TET2: variants seen among roughly 807,000 people sequenced by gnomAD.
The protein encoded by TET2 is tet methylcytosine dioxygenase 2.
TET2 carries 299 observed loss-of-function variants against 142.9 expected under a neutral mutation model. The ratio of observed to expected loss-of-function variants is 2.09; its 90% CI spans 1.90 to 2.30. The LOEUF is 2.30. TET2 is among the 30% of genes most tolerant of loss of function. TET2 has a pLI of 0.00. For missense variants in TET2, 2,418 were observed against 2,378.0 expected, an observed-to-expected ratio of 1.02 and a Z score of -0.35; for synonymous variants, 819 against 849.0, an observed-to-expected ratio of 0.96 and a Z score of 0.61.
chr4:105,221,002 G>A (rs533451214), intron 2 of TET2, among the ~76,000 whole-genome samples: 1 of 152,218 alleles, frequency 6.6e-6, no homozygotes, highest in African/African-American at 2.4e-5. Flanking sequence ...CCTAGACAGT[G>A]TTCCAGTAAG....
chr4:105,178,225 C>T (rs1195155613), intron 1 of TET2, among the ~76,000 whole-genome samples: 2 of 152,168 alleles, frequency 1.3e-5, no homozygotes, highest in East Asian at 3.9e-4. Flanking sequence ...AGTGGATAAA[C>T]TGTGGTACAT....
intron 1 of TET2, among the ~76,000 whole-genome samples, chr4:105,154,559 T>C (rs1723468054): frequency 6.6e-6 from 1 of 152,188 alleles, no homozygotes; most frequent in South Asian, 2.1e-4. Context: ...CACTCAAAAG[T>C]TGGCATTGTG....
At chr4:105,163,852 A>AGTGT (rs1243395829) in intron 1 of TET2, among the ~76,000 whole-genome samples, 43 of 105,874 alleles carry the variant, frequency 4.1e-4, no homozygotes, top group South Asian at 6.0e-4. Flanking sequence ...AGAGAGAGAG[A>AGTGT]GAGTGTGTGT....
intron 2 of TET2, among the ~76,000 whole-genome samples, chr4:105,197,412 A>C (rs576701370): frequency 1.3e-5 from 2 of 152,246 alleles, no homozygotes; most frequent in Non-Finnish European, 2.9e-5. Flanking sequence ...TTGATTATAG[A>C]TTTTCTTATC....
At chr4:105,226,365 T>C (rs1728189567) in intron 2 of TET2, among the ~76,000 whole-genome samples, 1 of 152,308 alleles carries the variant, frequency 6.6e-6, no homozygotes, top group South Asian at 2.1e-4. Flanking sequence ...TTGTTACATA[T>C]TATTACTTAT....
At position 105,236,802 on chromosome 4, in the gene TET2, T is replaced by G; in HGVS notation, c.2860T>G (p.Trp954Gly). The G allele has an allele frequency of 1.9e-6, 3 of 1,614,090 alleles. No homozygotes were observed. Among genetic ancestry groups the G allele is most frequent in the Non-Finnish European group, 2.5e-6 (3 of 1,180,000 alleles). ...CACTCAAAAGCATGCTGCTCTAAGG[T>G]GGCATCTCTTACAGAAGCAAGAACA... ...KDTQKHAALR[W>G]HLLQKQEQQQ... The change falls in exon 3 of 11, where the codon TGG becomes GGG. Residue 954 changes from tryptophan (W) to glycine (G), a missense_variant. Trp to Gly is a radical substitution (Grantham distance 184). Coordinates refer to ENST00000380013, the MANE Select transcript of TET2 (RefSeq NM_001127208.3).
intron 1 of TET2, among the ~76,000 whole-genome samples, chr4:105,153,235 TATC>T (rs1723399609): frequency 6.6e-6 from 1 of 152,216 alleles, no homozygotes; most frequent in Non-Finnish European, 1.5e-5. Flanking sequence ...AAAACTATAA[TATC>T]ATATCACAAC....
chr4:105,269,767 G>T lies in TET2; in HGVS notation c.4182+20G>T, dbSNP rs1323161127. 1 of 1,551,040 alleles carries T rather than the reference G, an allele frequency of 6.4e-7. No individual in the cohort carries two copies. Among genetic ancestry groups the T allele is most frequent in the East Asian group, 2.4e-5 (1 of 40,912 alleles). On this transcript the variant is annotated intron_variant, in intron 9 of 10. Coordinates refer to ENST00000380013, the MANE Select transcript of TET2 (RefSeq NM_001127208.3). ...ACATTGGTAAGTTGGGCTGAGGACA[G>T]CTTAGCAGCTGTTGAGTCTGTTCTC...
At position 105,278,639 on chromosome 4, in the gene TET2, A is replaced by AAAACT; in HGVS notation, c.*2123_*2127dup. 4.3e-6 allele frequency: 1 copy of AAAACT among 232,566 alleles called. No homozygotes were observed. Among genetic ancestry groups the AAAACT allele is most frequent in the Middle Eastern group, 1.3e-3 (1 of 782 alleles). 14.4% of individuals were successfully genotyped at this position (232,566 alleles called of 1,614,324 possible). A position where few individuals can be genotyped will look rare whatever the true frequency, so the allele number is the denominator to read the frequency against. On this transcript the variant is annotated 3_prime_UTR_variant, in exon 11 of 11. Coordinates refer to ENST00000380013, the MANE Select transcript of TET2 (RefSeq NM_001127208.3). ...TACTTGTACATGTGCTGATGTAACT[A>AAAACT]AAACTAATTTTGTAAATCTGTTGGC...
intron 1 of TET2, among the ~76,000 whole-genome samples, chr4:105,157,711 C>G (rs1417059193): frequency 1.3e-5 from 2 of 152,158 alleles, no homozygotes; most frequent in African/African-American, 4.8e-5. Context: ...GAGTCTCACT[C>G]TCTTGCCCAG....
At chr4:105,208,939 T>C (rs1726982897) in intron 2 of TET2, among the ~76,000 whole-genome samples, 1 of 150,870 alleles carries the variant, frequency 6.6e-6, no homozygotes, top group Admixed American at 6.6e-5. Flanking sequence ...GACAAGGCTA[T>C]TAAATTTTAA....
In TET2 at chr4:105,237,280, A is replaced by G. The variant is rs756202722; in HGVS notation, c.3338A>G (p.Asp1113Gly). ...ATAGAGTCACCTTCCAAATTACTAG[A>G]TACTCCTATAAAAAATTTATTGGAT... ...NFIESPSKLL[D>G]TPIKNLLDTP... is the part of the protein sequence containing the mutation. Residue 1113 changes from aspartate to glycine, a missense_variant, in exon 3 of 11, where the codon GAT (aspartate) becomes GGT (glycine). Coordinates refer to ENST00000380013, the MANE Select transcript of TET2 (RefSeq NM_001127208.3). 6 of 1,614,112 alleles carry G rather than the reference A, an allele frequency of 3.7e-6. No homozygotes were observed. Among genetic ancestry groups the G allele is most frequent in the Non-Finnish European group, 5.1e-6 (6 of 1,179,972 alleles).
At position 105,208,222 on chromosome 4, in the gene TET2, C is replaced by T. The variant is rs139311594; in HGVS notation, c.-47+17717C>T. Among the ~76,000 whole-genome samples the T allele has an allele frequency of 1.6e-4, 24 of 152,176 alleles. No individual in the cohort carries two copies. The East Asian group carries it at 4.2e-3, about 27-fold the overall frequency. On this transcript the variant is annotated intron_variant, in intron 2 of 10. Coordinates refer to ENST00000380013, the MANE Select transcript of TET2 (RefSeq NM_001127208.3). The stretch of plus-strand genomic sequence containing the variant: ...TAAATTCTCATGTTTTTAAGGCTCT[C>T]ATCTTAGGCCAACTTATCTTGGGTC...
chr4:105,206,759 A>C (rs1726850944), intron 2 of TET2, among the ~76,000 whole-genome samples: 1 of 152,170 alleles, frequency 6.6e-6, no homozygotes, highest in South Asian at 2.1e-4. Flanking sequence ...TAAATCATTT[A>C]CTGGAAAGAG....
intron 6 of TET2, among the ~76,000 whole-genome samples, chr4:105,249,799 A>G (rs1729775468): frequency 6.6e-6 from 1 of 152,184 alleles, no homozygotes; most frequent in Non-Finnish European, 1.5e-5. Context: ...TGTTATGTTG[A>G]TACTTGAACT....
chr4:105,223,525 T>C (rs1305652844), intron 2 of TET2, among the ~76,000 whole-genome samples: 2 of 152,128 alleles, frequency 1.3e-5, no homozygotes, highest in Non-Finnish European at 2.9e-5. Flanking sequence ...ACTTAATAGA[T>C]ACAGAAGATA....
At chr4:105,183,488 G>T (rs1268504317) in intron 1 of TET2, among the ~76,000 whole-genome samples, 1 of 151,716 alleles carries the variant, frequency 6.6e-6, no homozygotes, top group African/African-American at 2.4e-5. Flanking sequence ...CTAAATCATG[G>T]AATCATAAAA....
intron 1 of TET2, among the ~76,000 whole-genome samples, chr4:105,153,578 C>T (rs1438362029): frequency 6.6e-6 from 1 of 152,068 alleles, no homozygotes; most frequent in Non-Finnish European, 1.5e-5. Context: ...CTCATCACAA[C>T]CCTAGAGATA....
At chr4:105,220,764 G>A (rs1173451801) in intron 2 of TET2, among the ~76,000 whole-genome samples, 1 of 152,080 alleles carries the variant, frequency 6.6e-6, no homozygotes, top group African/African-American at 2.4e-5. Flanking sequence ...GGCCTACAAG[G>A]GCTCTCACTG....
Sources: gnomAD v4.1 joint callset for allele counts (sites outside exome capture counted in the v4.1 genomes callset) on GRCh38, gnomAD v4.1.1 for gene constraint, MANE v1.5 for transcripts, NCBI Gene and HGNC (gene_info 2026-07-23, HGNC 2026-07-21) for gene names.